The following GRIN2B variants were observed in gnomAD, a reference collection of about 807,000 sequenced individuals.
The protein encoded by GRIN2B is glutamate ionotropic receptor NMDA type subunit 2B.
In GRIN2B, 5 loss-of-function variants were observed where a neutral mutation model predicts 114.5. The observed-to-expected ratio is 0.04, with a 90% CI of 0.02 to 0.09. The LOEUF is 0.09. Ranked by LOEUF, GRIN2B falls within the 10% of genes least tolerant of loss-of-function variation. The pLI is 1.00. For missense variants in GRIN2B, 1,108 were observed against 1,943.5 expected (o/e 0.57, Z 8.08); for synonymous variants, 787 against 745.1 (o/e 1.06, Z -0.92).
intron 3 of GRIN2B, among the ~76,000 whole-genome samples, chr12:13,762,830 C>T (rs1863705446): frequency 2.0e-5 from 3 of 152,130 alleles, no homozygotes; most frequent in Non-Finnish European, 4.4e-5. Flanking sequence ...GATTAACAAG[C>T]CATTGTCTCC....
chr12:13,882,060 C>G lies in GRIN2B; in HGVS notation c.-18-15834G>C, dbSNP rs114522683. Among the ~76,000 whole-genome samples, 467 of 152,322 alleles carry G rather than the reference C, an allele frequency of 3.1e-3. 3 individuals carry two copies. Among genetic ancestry groups the G allele is most frequent in the African/African-American group, 0.01 (426 of 41,578 alleles). On this transcript the variant is annotated intron_variant, in intron 2 of 13. Coordinates refer to ENST00000609686, the MANE Select transcript of GRIN2B (RefSeq NM_000834.5). ...AACTCTCTAAACTGCCATCTGTCAC[C>G]TCACCGCAGAGTCAATATGAGTCTT... is the stretch of plus-strand genomic sequence containing the variant.
chr12:13,602,173 C>T (rs993037544), intron 10 of GRIN2B, among the ~76,000 whole-genome samples: 3 of 152,226 alleles, frequency 2.0e-5, no homozygotes, highest in African/African-American at 7.2e-5. Context: ...ACCTCAGACA[C>T]TCCCAGGATT....
At chr12:13,813,223 C>T (rs1187604831) in intron 3 of GRIN2B, among the ~76,000 whole-genome samples, 1 of 152,014 alleles carries the variant, frequency 6.6e-6, no homozygotes, top group East Asian at 1.9e-4. Context: ...GCGTGAGCCA[C>T]CGTGCCCGGC....
intron 2 of GRIN2B, among the ~76,000 whole-genome samples, chr12:13,947,509 AG>A (rs1411451117): frequency 6.6e-6 from 1 of 152,154 alleles, no homozygotes; most frequent in Non-Finnish European, 1.5e-5. Flanking sequence ...TGGCCCATAA[AG>A]GGAAAAAAAG....
intron 2 of GRIN2B, among the ~76,000 whole-genome samples, chr12:13,909,260 G>T (rs1431271234): frequency 3.9e-5 from 6 of 152,178 alleles, no homozygotes; most frequent in African/African-American, 1.4e-4. Context: ...AGCCAGGACT[G>T]GTTGTGAGAA....
chr12:13,659,327 T>C (rs1949897404), intron 5 of GRIN2B, among the ~76,000 whole-genome samples: 1 of 152,206 alleles, frequency 6.6e-6, no homozygotes, highest in Non-Finnish European at 1.5e-5. Context: ...TACAGATTTA[T>C]TCCACCTCTG....
At chr12:13,969,987 G>C (rs1009757810) in intron 2 of GRIN2B, among the ~76,000 whole-genome samples, 2 of 152,096 alleles carry the variant, frequency 1.3e-5, no homozygotes, top group African/African-American at 2.4e-5. Flanking sequence ...TGAGTAGCTG[G>C]GATTATAGGC....
At chr12:13,774,150 C>T (rs1038919471) in intron 3 of GRIN2B, among the ~76,000 whole-genome samples, 1 of 152,106 alleles carries the variant, frequency 6.6e-6, no homozygotes, top group African/African-American at 2.4e-5. Context: ...TTAATATGAG[C>T]AGACAGGAGT....
At position 13,547,979 on chromosome 12, in the gene GRIN2B, A is replaced by ATTTTTTTTTTT. The variant is rs1425325795; in HGVS notation, c.*14803_*14804insAAAAAAAAAAA. On this transcript the variant is annotated 3_prime_UTR_variant, in exon 14 of 14. Coordinates refer to ENST00000609686, the MANE Select transcript of GRIN2B (RefSeq NM_000834.5). ...TGTGTGTATATATATATATATATATATATTTTTTTTTTTTTTCTGAAAGCT... is the reference window on the plus strand; with the variant it reads ...TGTGTGTATATATATATATATATATATTTTTTTTTTTTATTTTTTTTTTTTTTCTGAAAGCT... The ATTTTTTTTTTT allele has an allele frequency of 1.3e-4, 8 of 59,560 alleles. No individual in the cohort carries two copies. Among genetic ancestry groups the ATTTTTTTTTTT allele is most frequent in the African/African-American group, 2.4e-4 (5 of 20,658 alleles). 3.7% of individuals were successfully genotyped at this position (59,560 alleles called of 1,614,324 possible). A position where few individuals can be genotyped will look rare whatever the true frequency, so the allele number is the denominator to read the frequency against.
At chr12:13,800,317 T>C (rs1864486206) in intron 3 of GRIN2B, among the ~76,000 whole-genome samples, 1 of 152,174 alleles carries the variant, frequency 6.6e-6, no homozygotes, top group Non-Finnish European at 1.5e-5. Flanking sequence ...GTGGGTACTC[T>C]GGAACATTTA....
At chr12:13,821,347 T>C (rs1251823099) in intron 3 of GRIN2B, among the ~76,000 whole-genome samples, 5 of 152,142 alleles carry the variant, frequency 3.3e-5, no homozygotes, top group Admixed American at 3.3e-4. Flanking sequence ...CACTTACACA[T>C]ACCATGCAGC....
chr12:13,634,134 TA>T (rs1949643536), intron 5 of GRIN2B: 1 of 152,170 alleles, frequency 6.6e-6, no homozygotes, highest in Non-Finnish European at 1.5e-5. Context: ...AAGGTAGACA[TA>T]ATCTCTCTGA....
In GRIN2B at chr12:13,542,854, C is replaced by T. The variant is rs1948296362; in HGVS notation, c.*19929G>A. 6.6e-6 allele frequency: 1 copy of T among 152,256 alleles called. No homozygotes were observed. The highest frequency in any genetic ancestry group is 1.5e-5 in the Non-Finnish European group (1 of 68,082). 9.4% of individuals were successfully genotyped at this position (152,256 alleles called of 1,614,324 possible). A position where few individuals can be genotyped will look rare whatever the true frequency, so the allele number is the denominator to read the frequency against. ...CTCTTTGAGGACCCTGAATCACTCCCAGGTGGTGAGCATTTCCACTTGCAC... is the reference window on the plus strand; with the variant it reads ...CTCTTTGAGGACCCTGAATCACTCCTAGGTGGTGAGCATTTCCACTTGCAC... On this transcript the variant is annotated 3_prime_UTR_variant, in exon 14 of 14. Coordinates refer to ENST00000609686, the MANE Select transcript of GRIN2B (RefSeq NM_000834.5).
intron 4 of GRIN2B, among the ~76,000 whole-genome samples, chr12:13,752,945 TC>T (rs1270659320): frequency 6.6e-6 from 1 of 152,166 alleles, no homozygotes; most frequent in Non-Finnish European, 1.5e-5. Flanking sequence ...TAGGTTCAAC[TC>T]CAAACTGACC....
chr12:13,893,976 G>A (rs1477524321), intron 2 of GRIN2B, among the ~76,000 whole-genome samples: 2 of 151,976 alleles, frequency 1.3e-5, no homozygotes, highest in Admixed American at 6.6e-5. Context: ...CTGGAAAATT[G>A]TCCGATATTA....
intron 3 of GRIN2B, among the ~76,000 whole-genome samples, chr12:13,796,435 C>T (rs12811098): frequency 0.1 from 15,820 of 152,112 alleles, 909 homozygotes; most frequent in East Asian, 0.14. Flanking sequence ...TAATTGGGAC[C>T]GCAAGGCACA....
At chr12:13,747,068 A>G (rs1039688277) in intron 4 of GRIN2B, among the ~76,000 whole-genome samples, 1 of 152,206 alleles carries the variant, frequency 6.6e-6, no homozygotes, top group Non-Finnish European at 1.5e-5. Context: ...TCGAAATGCA[A>G]AAAGGAGGAA....
rs577192075 is a variant in GRIN2B, at chr12:13,890,054, G to A, written c.-18-23828C>T. 5.9e-5 allele frequency among the ~76,000 whole-genome samples: 9 copies of A among 152,316 alleles called. No individual in the cohort carries two copies. In the East Asian group the frequency reaches 1.7e-3, roughly 29 times the overall value. The stretch of plus-strand genomic sequence containing the variant: ...TTTGTCCTCCCTGTACTGAGAGGAT[G>A]TGAGTCCCTGCTGTCCACAAGACGT... On this transcript the variant is annotated intron_variant, in intron 2 of 13. Coordinates refer to ENST00000609686, the MANE Select transcript of GRIN2B (RefSeq NM_000834.5).
intron 5 of GRIN2B, among the ~76,000 whole-genome samples, chr12:13,640,495 G>T (rs887177803): frequency 2.0e-5 from 3 of 152,002 alleles, no homozygotes; most frequent in African/African-American, 7.2e-5. Flanking sequence ...TCTGGTCCTG[G>T]CTCAGCATCC....
Sources: allele counts gnomAD v4.1 joint callset (sites outside exome capture counted in the v4.1 genomes callset), GRCh38; gene constraint gnomAD v4.1.1; transcripts MANE v1.5; gene names NCBI Gene and HGNC (gene_info 2026-07-23, HGNC 2026-07-21).